The following RFX2 variants were observed in gnomAD, a reference collection of about 807,000 sequenced individuals.
RFX2 encodes the protein regulatory factor X2, also known as DNA-binding protein RFX2.
RFX2 carries 20 observed loss-of-function variants against 87.8 expected under a neutral mutation model. That is an observed-to-expected ratio of 0.23 (90% CI 0.16 to 0.33). RFX2 has a LOEUF of 0.33. Ranked by LOEUF, RFX2 falls within the 10% of genes least tolerant of loss-of-function variation. RFX2 has a pLI of 1.00. For missense variants in RFX2, 767 were observed against 1,012.3 expected (o/e 0.76, Z 3.29); for synonymous variants, 397 against 431.3 (o/e 0.92, Z 0.98).
In RFX2 at chr19:6,039,907, T is replaced by G; in HGVS notation, c.522+73A>C. 6.9e-7 allele frequency: 1 copy of G among 1,449,482 alleles called. No individual in the cohort carries two copies. The highest frequency in any genetic ancestry group is 2.3e-5 in the Admixed American group (1 of 43,448). The allele number at this position is 1,449,482 out of a possible 1,614,324, so 89.8% of individuals were successfully genotyped here. ...CTCCGGGCCTCCGGCTGCCTCTTAC[T>G]CACCATCCCTGCTGCCGCTGCTTCG... On this transcript the variant is annotated intron_variant, in intron 5 of 17. Transcript: ENST00000303657. This position sits in a 1 kb window ranked among gnomAD's most constrained non-coding sequence, Gnocchi z 5.2.
In RFX2 at chr19:5,997,303, G is replaced by T; in HGVS notation, c.1860-90C>A. 2 of 1,363,650 alleles carry T rather than the reference G, an allele frequency of 1.5e-6. No homozygotes were observed. Among genetic ancestry groups the T allele is most frequent in the Non-Finnish European group, 2.0e-6 (2 of 1,023,472 alleles). 84.5% of individuals were successfully genotyped at this position (1,363,650 alleles called of 1,614,324 possible). ...ACTTCATGGCAGCAACACACCCCCT[G>T]CTCTACGTTCCCTGGGGAACCCAGA... On this transcript the variant is annotated intron_variant, in intron 15 of 17. Transcript: ENST00000303657. This position sits in a 1 kb window ranked among gnomAD's most constrained non-coding sequence, Gnocchi z 4.2.
intron 1 of RFX2, among the ~76,000 whole-genome samples, chr19:6,059,617 C>G (rs1171131029): frequency 6.6e-6 from 1 of 152,022 alleles, no homozygotes; most frequent in African/African-American, 2.4e-5. Context: ...TGCTCTGTCC[C>G]CCAGGAGTGG....
At chr19:6,034,629 T>C (rs866363951) in intron 5 of RFX2, among the ~76,000 whole-genome samples, 7 of 152,224 alleles carry the variant, frequency 4.6e-5, no homozygotes, top group Non-Finnish European at 8.8e-5. Flanking sequence ...CCCAAAGTGC[T>C]AGTATTACAG....
Position 6,017,576 on chromosome 19 carries a change from T to C in RFX2, c.598-1305A>G, listed in dbSNP as rs770564151. ...CACAGAAGCGAGGCCCGAGTCCAGA[T>C]CCCATGTCAAGAGCGTCGGGGGAAA... On this transcript the variant is annotated intron_variant, in intron 6 of 17. Coordinates refer to ENST00000303657, the MANE Select transcript of RFX2 (RefSeq NM_000635.4). The surrounding 1 kb of genome is among the most constrained non-coding windows in gnomAD (Gnocchi z 4.1). Among the ~76,000 whole-genome samples, 3 of 152,180 alleles carry C rather than the reference T, an allele frequency of 2.0e-5. No individual in the cohort carries two copies. Among genetic ancestry groups the C allele is most frequent in the Non-Finnish European group, 2.9e-5 (2 of 68,020 alleles).
In RFX2 at chr19:6,047,401, C is replaced by A; in HGVS notation, c.90+6G>T. 4 of 1,602,880 alleles carry A rather than the reference C, an allele frequency of 2.5e-6. No homozygotes were observed. Among genetic ancestry groups the A allele is most frequent in the Non-Finnish European group, 3.4e-6 (4 of 1,175,000 alleles). On this transcript the variant is annotated splice_donor_region_variant and intron_variant, in intron 2 of 17. Coordinates refer to ENST00000303657, the MANE Select transcript of RFX2 (RefSeq NM_000635.4). The surrounding 1 kb of genome is among the most constrained non-coding windows in gnomAD (Gnocchi z 4.2). Reference sequence around the variant, plus strand: ...CACCCTGTTGTTGCTGAGAGGCGCGCGTTACCTGCGGGGAGGCTGGCACAG... The same window carrying A: ...CACCCTGTTGTTGCTGAGAGGCGCGAGTTACCTGCGGGGAGGCTGGCACAG...
rs2087476563 is a variant in RFX2, at chr19:6,064,042, G to A, written c.-8-16538C>T. 6.6e-6 allele frequency among the ~76,000 whole-genome samples: 1 copy of A among 152,192 alleles called. No individual in the cohort carries two copies. The highest frequency in any genetic ancestry group is 2.1e-4 in the South Asian group (1 of 4,828). On this transcript the variant is annotated intron_variant, in intron 1 of 17. Coordinates refer to ENST00000303657, the MANE Select transcript of RFX2 (RefSeq NM_000635.4). The surrounding 1 kb of genome is among the most constrained non-coding windows in gnomAD (Gnocchi z 4.8). Reference sequence around the variant, plus strand: ...TTCTTGGCCAGCCAGCCCTTCTTGAGAAAACAAAGTCTGGATCTATGTCAT... The same window carrying A: ...TTCTTGGCCAGCCAGCCCTTCTTGAAAAAACAAAGTCTGGATCTATGTCAT...
chr19:6,055,527 G>A (rs76596826), intron 1 of RFX2, among the ~76,000 whole-genome samples: 3 of 152,222 alleles, frequency 2.0e-5, no homozygotes, highest in East Asian at 1.9e-4. Context: ...AGGCTCAAGC[G>A]ATTCTCCCAC....
chr19:6,046,874 C>G (rs1477379480), intron 2 of RFX2, among the ~76,000 whole-genome samples: 1 of 151,910 alleles, frequency 6.6e-6, no homozygotes, highest in Non-Finnish European at 1.5e-5. Context: ...GGTGATCCTC[C>G]CATCTCAGCC....
chr19:6,030,654 C>T (rs1011767887), intron 5 of RFX2, among the ~76,000 whole-genome samples: 10 of 151,850 alleles, frequency 6.6e-5, no homozygotes, highest in South Asian at 2.1e-4. Context: ...AGGGTGATGA[C>T]GATATTCTGG....
chr19:6,018,730 G>A (rs940279037), intron 6 of RFX2, among the ~76,000 whole-genome samples: 4 of 152,234 alleles, frequency 2.6e-5, no homozygotes, highest in Non-Finnish European at 2.9e-5. Context: ...GGATGAAGAG[G>A]AGCAAAGCGT....
chr19:6,044,956 G>A lies in RFX2; in HGVS notation c.91-674C>T, dbSNP rs73923428. On this transcript the variant is annotated intron_variant, in intron 2 of 17. Coordinates refer to ENST00000303657, the MANE Select transcript of RFX2 (RefSeq NM_000635.4). The surrounding 1 kb of genome is among the most constrained non-coding windows in gnomAD (Gnocchi z 5.3). ...GCTATTTTTCTGGGAGTACCGATTG[G>A]CCACACAAAGCTATCAAAATGGGAA... Among the ~76,000 whole-genome samples, 5,924 of 152,226 alleles carry A rather than the reference G, an allele frequency of 0.039. 276 individuals carry two copies. The highest frequency in any genetic ancestry group is 0.11 in the African/African-American group (4,699 of 41,506).
Position 6,026,413 on chromosome 19 carries a change from A to G in RFX2, c.523-176T>C. 3 of 621,340 alleles carry G rather than the reference A, an allele frequency of 4.8e-6. No homozygotes were observed. Among genetic ancestry groups the G allele is most frequent in the Middle Eastern group, 4.3e-4 (1 of 2,328 alleles). The allele number at this position is 621,340 out of a possible 1,614,324, so 38.5% of individuals were successfully genotyped here. ...AGGGCGGGGGTGAGTTAAATTGTGC[A>G]TGAAAGCTGCGGTAGGGAGTGTTGC... On this transcript the variant is annotated intron_variant, in intron 5 of 17. Transcript: ENST00000303657. The surrounding 1 kb of genome is among the most constrained non-coding windows in gnomAD (Gnocchi z 4.5).
At chr19:6,102,609 G>A (rs768103381) in intron 1 of RFX2, among the ~76,000 whole-genome samples, 2 of 152,136 alleles carry the variant, frequency 1.3e-5, no homozygotes, top group African/African-American at 2.4e-5. Context: ...TGCTTTGCTC[G>A]CCAGGCATCA....
intron 1 of RFX2, among the ~76,000 whole-genome samples, chr19:6,103,413 G>C (rs2088159260): frequency 6.6e-6 from 1 of 152,202 alleles, no homozygotes; most frequent in African/African-American, 2.4e-5. Flanking sequence ...AACAACTGAG[G>C]TGCAGCAAGG....
intron 5 of RFX2, among the ~76,000 whole-genome samples, chr19:6,033,963 CAT>C: frequency 6.6e-6 from 1 of 152,322 alleles, no homozygotes; most frequent in Admixed American, 6.5e-5. Flanking sequence ...CGATTATCAT[CAT>C]GTGTGTTGGC....
At chr19:6,053,417 CAT>C (rs1044909202) in intron 1 of RFX2, among the ~76,000 whole-genome samples, 2 of 152,158 alleles carry the variant, frequency 1.3e-5, no homozygotes, top group Non-Finnish European at 2.9e-5. Context: ...ATGGTGGACA[CAT>C]GTCATTATAC....
In RFX2 at chr19:5,999,099, T is replaced by C. The variant is rs923118198; in HGVS notation, c.1860-1886A>G. Among the ~76,000 whole-genome samples the C allele has an allele frequency of 1.3e-5, 2 of 151,830 alleles. No homozygotes were observed. The highest frequency in any genetic ancestry group is 4.8e-5 in the African/African-American group (2 of 41,274). On this transcript the variant is annotated intron_variant, in intron 15 of 17. Coordinates refer to ENST00000303657, the MANE Select transcript of RFX2 (RefSeq NM_000635.4). The surrounding 1 kb of genome is among the most constrained non-coding windows in gnomAD (Gnocchi z 4.1). ...GGCAAAACCCCGTCTCTACTAAAAA[T>C]ACAAAAATCAGCCAGGCCTGGTGGT...
At chr19:6,036,910 A>G (rs1181628497) in intron 5 of RFX2, among the ~76,000 whole-genome samples, 1 of 152,206 alleles carries the variant, frequency 6.6e-6, no homozygotes, top group Admixed American at 6.5e-5. Context: ...AGAAAAAGAA[A>G]TGAAATTTCT....
rs776617999 is a variant in RFX2 at position 6,001,773 on chromosome 19, C to T, written c.1859+42G>A. 3.3e-6 allele frequency: 5 copies of T among 1,526,960 alleles called. No individual in the cohort carries two copies. Among genetic ancestry groups the T allele is most frequent in the South Asian group, 2.4e-5 (2 of 82,250 alleles). 94.6% of individuals were successfully genotyped at this position (1,526,960 alleles called of 1,614,324 possible). On this transcript the variant is annotated intron_variant, in intron 15 of 17. Coordinates refer to ENST00000303657, the MANE Select transcript of RFX2 (RefSeq NM_000635.4). The surrounding 1 kb of genome is among the most constrained non-coding windows in gnomAD (Gnocchi z 5.6). Reference sequence around the variant, plus strand: ...CCCTCTAGAAGTTTCTCTCAGAGCCCCCCACCCGCCAGAATTCTCTCGGAG... The same window carrying T: ...CCCTCTAGAAGTTTCTCTCAGAGCCTCCCACCCGCCAGAATTCTCTCGGAG...
Sources: gnomAD v4.1 joint callset for allele counts (sites outside exome capture counted in the v4.1 genomes callset) on GRCh38, gnomAD v4.1.1 for gene constraint, Gnocchi (gnomAD v3.1) non-coding constraint, MANE v1.5 for transcripts, NCBI Gene and HGNC (gene_info 2026-07-23, HGNC 2026-07-21) for gene names.